Variants in TGM7 observed in about 807,000 individuals in gnomAD.
TGM7 encodes transglutaminase 7.
Under a neutral mutation model 79.5 loss-of-function variants are expected in TGM7, and 74 were observed. The observed-to-expected ratio is 0.93, with a 90% CI of 0.77 to 1.13. The LOEUF is 1.13. TGM7 is among the 50% of genes most tolerant of loss of function. TGM7 has a pLI of 0.00. For missense variants in TGM7, 912 were observed against 905.9 expected (o/e 1.01, Z -0.09); for synonymous variants, 354 against 362.5 (o/e 0.98, Z 0.27).
At chr15:43,283,868 G>A (rs936884706) in intron 7 of TGM7, among the ~76,000 whole-genome samples, 2 of 152,176 alleles carry the variant, frequency 1.3e-5, no homozygotes, top group Non-Finnish European at 2.9e-5. Context: ...GCTCAGAGAC[G>A]GAGGGGGCTC....
intron 7 of TGM7, among the ~76,000 whole-genome samples, chr15:43,283,973 C>T (rs1029217461): frequency 7.9e-5 from 12 of 152,024 alleles, no homozygotes; most frequent in African/African-American, 2.2e-4. Context: ...TTTGGGAGGC[C>T]GAGGCGAGTG....
intron 7 of TGM7, 145 bp downstream of exon 7, chr15:43,284,669 T>C: frequency 3.0e-6 from 3 of 992,640 alleles, no homozygotes; most frequent in Non-Finnish European, 4.5e-6. Flanking sequence ...GCCTCCTGGG[T>C]TGGGGAATTC....
chr15:43,281,272 A>G (rs1415340530), intron 9 of TGM7, among the ~76,000 whole-genome samples: 3 of 152,254 alleles, frequency 2.0e-5, no homozygotes, highest in African/African-American at 7.2e-5. Context: ...AGCCCTGTTC[A>G]GTACTCAGGC....
rs2042928047 is a variant in TGM7, at chr15:43,284,965, A to C, written c.866-13T>G. The C allele has an allele frequency of 6.2e-7, 1 of 1,613,706 alleles. No homozygotes were observed. The highest frequency in any genetic ancestry group is 1.7e-5 in the Admixed American group (1 of 59,994). ...AAGCATCTCATTACTAAAGAGAAAA[A>C]TATAGAGAATCGCTGAGTTCATTTC... On this transcript the variant is annotated splice_polypyrimidine_tract_variant and intron_variant, in intron 6 of 12. Transcript: ENST00000452443.
intron 7 of TGM7, 58 bp from the exon 8 acceptor site, chr15:43,282,678 A>T: frequency 2.2e-6 from 3 of 1,336,338 alleles, no homozygotes; most frequent in Non-Finnish European, 3.2e-6. Context: ...GCCAGGTACC[A>T]GGCACTATAC....
At chr15:43,284,682 C>T (rs1316050822) in intron 7 of TGM7, 132 bp downstream of exon 7, 25 of 1,137,776 alleles carry the variant, frequency 2.2e-5, no homozygotes, top group Admixed American at 8.5e-5. Context: ...GGGAATTCTT[C>T]TCTTCTCTGA....
Position 43,279,874 on chromosome 15 carries a change from G to A in TGM7, c.1429C>T (p.Leu477=). The A allele has an allele frequency of 6.2e-7, 1 of 1,614,218 alleles. No individual in the cohort carries two copies. Among genetic ancestry groups the A allele is most frequent in the Non-Finnish European group, 8.5e-7 (1 of 1,180,036 alleles). The change falls in exon 10 of 13, where the codon CTG becomes TTG. Residue 477 remains leucine, a synonymous_variant. Transcript: ENST00000452443. ...LGPQRASLPF[L]DLLESGGLRD... ...AGACCCCCAGACTCCAGGAGATCCA[G>A]GAAGGGCAAAGAAGCTCTTTGGGGG...
At chr15:43,301,629 C>A (rs1022846753) in intron 1 of TGM7, among the ~76,000 whole-genome samples, 160 of 127,042 alleles carry the variant, frequency 1.3e-3, no homozygotes, top group Middle Eastern at 3.9e-3. Context: ...GACTCCATCT[C>A]AAAAAAAAAA....
At chr15:43,290,697 G>A (rs762017163) in intron 4 of TGM7, among the ~76,000 whole-genome samples, 37 of 152,186 alleles carry the variant, frequency 2.4e-4, no homozygotes, top group Non-Finnish European at 4.4e-4. Flanking sequence ...CTACCCATGA[G>A]CATGGAATGT....
In TGM7 at chr15:43,292,172, C is replaced by T. The variant is rs117942086; in HGVS notation, c.440-75G>A. On this transcript the variant is annotated intron_variant, in intron 3 of 12. Transcript: ENST00000452443. ...AGAGTATTAAATTAAAAAACAGTAACGACAACGTGTTTCTGGAAAACAGGA... is the reference window on the plus strand; with the variant it reads ...AGAGTATTAAATTAAAAAACAGTAATGACAACGTGTTTCTGGAAAACAGGA... 4.3e-3 allele frequency: 4,362 copies of T among 1,012,888 alleles called. 16 individuals carry two copies. The highest frequency in any genetic ancestry group is 6.0e-3 in the Non-Finnish European group (3,882 of 650,348). The allele number at this position is 1,012,888 out of a possible 1,614,324, so 62.7% of individuals were successfully genotyped here.
At chr15:43,301,451 G>A (rs1043620645) in intron 1 of TGM7, among the ~76,000 whole-genome samples, 14 of 151,344 alleles carry the variant, frequency 9.3e-5, no homozygotes, top group African/African-American at 2.9e-4. Flanking sequence ...CCAACATGGC[G>A]AAACCCCACC....
intron 1 of TGM7, among the ~76,000 whole-genome samples, chr15:43,297,629 GAAAGAA>G (rs1193529956): frequency 8.5e-4 from 126 of 147,988 alleles, no homozygotes; most frequent in African/African-American, 2.6e-3. Flanking sequence ...AAGAAAGAAA[GAAAGAA>G]AAAGAAAGAA....
Position 43,281,937 on chromosome 15 carries a change from G to C in TGM7, c.1258C>G (p.His420Asp). Residue 420 changes from histidine (H) to aspartate (D), a missense_variant, in exon 9 of 13, where the codon CAC becomes GAC. Physicochemically the swap from His to Asp is moderately conservative, Grantham distance 81. Coordinates refer to ENST00000452443, the MANE Select transcript of TGM7 (RefSeq NM_052955.3). ...GDGQAQEILAHNTSSIGKEIS... is the reference protein window; with the variant it reads ...GDGQAQEILADNTSSIGKEIS... The stretch of plus-strand genomic sequence containing the variant: ...TCCTTCCCGATGGAACTGGTGTTGT[G>C]GGCCAGGATTTCCTGGGCCTGGCCA... 5.0e-6 allele frequency: 8 copies of C among 1,614,216 alleles called. No individual in the cohort carries two copies. The highest frequency in any genetic ancestry group is 6.8e-6 in the Non-Finnish European group (8 of 1,180,038).
rs1313572389 is a variant in TGM7, at chr15:43,287,619, C to T, written c.609G>A (p.Leu203=). The change falls in exon 5 of 13, where the codon CTG becomes CTA. Residue 203 remains leucine (L), a synonymous_variant. Coordinates refer to ENST00000452443, the MANE Select transcript of TGM7 (RefSeq NM_052955.3). ...DICFEILNKS[L]YHLKNPAKDC... ...CTTTGGCCGGGTTCTTTAAGTGATACAGGCTCTTGTTCAGGATCTCAAAGC... is the reference window on the plus strand; with the variant it reads ...CTTTGGCCGGGTTCTTTAAGTGATATAGGCTCTTGTTCAGGATCTCAAAGC... The T allele has an allele frequency of 1.9e-6, 3 of 1,614,034 alleles. No individual in the cohort carries two copies. Among genetic ancestry groups the T allele is most frequent in the African/African-American group, 2.7e-5 (2 of 74,892 alleles).
chr15:43,287,392 G>A lies in TGM7; in HGVS notation c.753C>T (p.Val251=), dbSNP rs2042940804. The change falls in exon 6 of 13, where the codon GTC becomes GTT. Residue 251 remains valine (V), a synonymous_variant. Transcript: ENST00000452443. The part of the protein sequence containing the change: ...GNWGEDYSKG[V]SPLEWKGSVA... ...CACTGCCCTTCCACTCCAGAGGACT[G>A]ACCCCTTTGGAGTAGTCCTCGCCCC... The A allele has an allele frequency of 6.2e-7, 1 of 1,614,116 alleles. No individual in the cohort carries two copies. The highest frequency in any genetic ancestry group is 8.5e-7 in the Non-Finnish European group (1 of 1,179,978).
intron 4 of TGM7, among the ~76,000 whole-genome samples, chr15:43,289,885 T>C (rs2042955582): frequency 6.6e-6 from 1 of 152,246 alleles, no homozygotes; most frequent in African/African-American, 2.4e-5. Context: ...TCTGTTCATG[T>C]CCTTCGCCCA....
intron 1 of TGM7, among the ~76,000 whole-genome samples, chr15:43,298,579 C>G (rs1445894412): frequency 1.3e-5 from 2 of 152,106 alleles, no homozygotes; most frequent in Non-Finnish European, 2.9e-5. Context: ...ATGTTGAAAC[C>G]TTGTCTCTAC....
chr15:43,277,125 C>T lies in TGM7; in HGVS notation c.1840-130G>A, dbSNP rs1297539952. 3.8e-5 allele frequency: 46 copies of T among 1,206,840 alleles called. 1 individual carries two copies. Among genetic ancestry groups the T allele is most frequent in the Non-Finnish European group, 4.6e-5 (40 of 868,464 alleles). The allele number at this position is 1,206,840 out of a possible 1,614,324, so 74.8% of individuals were successfully genotyped here. On this transcript the variant is annotated intron_variant, in intron 11 of 12. Transcript: ENST00000452443. ...GCTTAGAGCTAATGTGCCACAGTGG[C>T]GAGGGAGGAATGTGAGCTGAGAGTA... is the stretch of plus-strand genomic sequence containing the variant.
intron 1 of TGM7, among the ~76,000 whole-genome samples, chr15:43,300,417 C>G (rs1262269672): frequency 1.3e-5 from 2 of 152,196 alleles, no homozygotes; most frequent in African/African-American, 4.8e-5. Context: ...GACTCTAGAA[C>G]CTAGTTCTTA....
Sources: allele counts gnomAD v4.1 joint callset (sites outside exome capture counted in the v4.1 genomes callset), GRCh38; gene constraint gnomAD v4.1.1; transcripts MANE v1.5; gene names NCBI Gene and HGNC (gene_info 2026-07-23, HGNC 2026-07-21).